The following SLIT3 variants were observed in gnomAD, a reference collection of about 807,000 sequenced individuals.
SLIT3 encodes slit guidance ligand 3, also known as slit homolog 3 protein.
A neutral mutation model predicts 184.0 loss-of-function variants in SLIT3; 68 were observed. That is an observed-to-expected ratio of 0.37 (90% CI 0.30 to 0.45). The LOEUF (loss-of-function observed/expected upper bound fraction) is 0.45. Among genes scored for constraint, SLIT3 ranks in the 20% least tolerant of loss-of-function variants. SLIT3 has a pLI of 1.00. For synonymous variants in SLIT3, 831 were observed against 828.6 expected (o/e 1.00, Z -0.05); for missense variants, 1,707 against 2,026.0 (o/e 0.84, Z 3.02).
chr5:169,285,530 G>A (rs1442159264), intron 1 of SLIT3, among the ~76,000 whole-genome samples: 1 of 152,150 alleles, frequency 6.6e-6, no homozygotes, highest in African/African-American at 2.4e-5. Context: ...TTGCATGTGG[G>A]CAAGCTTGTA....
chr5:169,070,513 G>A lies in SLIT3; in HGVS notation c.413+122966C>T, dbSNP rs1758505909. Among the ~76,000 whole-genome samples, 4 of 152,140 alleles carry A rather than the reference G, an allele frequency of 2.6e-5. No homozygotes were observed. In the South Asian group the frequency reaches 8.3e-4, roughly 32 times the overall value. On this transcript the variant is annotated intron_variant, in intron 4 of 35. Transcript: ENST00000519560. ...CCAGGGAAAAGCAAAAGGCAAACTT[G>A]AACTAATTACTCTGCCAGTCGAGAT...
intron 4 of SLIT3, among the ~76,000 whole-genome samples, chr5:169,166,887 C>T (rs1310406286): frequency 6.6e-6 from 1 of 152,272 alleles, no homozygotes; most frequent in East Asian, 1.9e-4. Flanking sequence ...AATGACTGGC[C>T]ATGCACGGCG....
chr5:169,135,848 G>T (rs548575007), intron 4 of SLIT3, among the ~76,000 whole-genome samples: 25 of 152,276 alleles, frequency 1.6e-4, no homozygotes, highest in Non-Finnish European at 3.1e-4. Flanking sequence ...TTTCTAAGTA[G>T]GATAGAATCA....
intron 3 of SLIT3, among the ~76,000 whole-genome samples, chr5:169,233,404 CT>C (rs70979127): frequency 0.22 from 31,473 of 145,016 alleles, 3,924 homozygotes; most frequent in East Asian, 0.44. Flanking sequence ...TAGAAATTGT[CT>C]TTTTTTTTTT....
At chr5:168,746,532 GGT>G (rs1269008380) in intron 20 of SLIT3, among the ~76,000 whole-genome samples, 5 of 125,384 alleles carry the variant, frequency 4.0e-5, no homozygotes, top group African/African-American at 1.2e-4. Flanking sequence ...TGGGTGTGGC[GGT>G]GTGTGGTGGT....
At chr5:168,888,259 G>C (rs1415779049) in intron 4 of SLIT3, among the ~76,000 whole-genome samples, 2 of 152,222 alleles carry the variant, frequency 1.3e-5, no homozygotes, top group African/African-American at 2.4e-5. Flanking sequence ...GGCTTCTGCA[G>C]CCCTGCATCA....
chr5:169,235,343 AT>A (rs1765158980), intron 3 of SLIT3, among the ~76,000 whole-genome samples: 1 of 152,164 alleles, frequency 6.6e-6, no homozygotes, highest in Admixed American at 6.5e-5. Context: ...AAAAACATTT[AT>A]TTTGCTCGTA....
intron 3 of SLIT3, among the ~76,000 whole-genome samples, chr5:169,208,867 G>C (rs1764161241): frequency 6.6e-6 from 1 of 152,142 alleles, no homozygotes; most frequent in Admixed American, 6.6e-5. Flanking sequence ...AGAAAACCTA[G>C]GCAATACAAT....
intron 4 of SLIT3, among the ~76,000 whole-genome samples, chr5:168,927,223 G>A (rs1213501954): frequency 6.6e-6 from 1 of 152,140 alleles, no homozygotes; most frequent in Non-Finnish European, 1.5e-5. Flanking sequence ...GCTAAAACAT[G>A]GGTAGAACCT....
chr5:169,246,476 A>G (rs958156230), intron 2 of SLIT3, among the ~76,000 whole-genome samples: 1 of 152,232 alleles, frequency 6.6e-6, no homozygotes, highest in Non-Finnish European at 1.5e-5. Flanking sequence ...AGCTGATGAT[A>G]TAAGAGTGGG....
intron 6 of SLIT3, among the ~76,000 whole-genome samples, chr5:168,826,479 T>C (rs1757709524): frequency 6.6e-6 from 1 of 152,250 alleles, no homozygotes; most frequent in South Asian, 2.1e-4. Context: ...TGGCATTCAA[T>C]GAAGGAATTG....
intron 4 of SLIT3, 81 bp downstream of exon 4, chr5:169,193,398 C>T (rs534383407): frequency 4.6e-5 from 55 of 1,193,074 alleles, no homozygotes; most frequent in African/African-American, 2.7e-4. Context: ...CCACACGGCA[C>T]GGCGCTCCAC....
At chr5:169,093,158 C>T (rs1349907228) in intron 4 of SLIT3, among the ~76,000 whole-genome samples, 2 of 152,190 alleles carry the variant, frequency 1.3e-5, no homozygotes, top group Non-Finnish European at 2.9e-5. Flanking sequence ...GACCCAGGTA[C>T]AGCCAGATCT....
Position 169,001,492 on chromosome 5 carries a change from CCTT to C in SLIT3, c.414-118159_414-118157del, listed in dbSNP as rs367614386. Among the ~76,000 whole-genome samples, 262 of 152,094 alleles carry C rather than the reference CCTT, an allele frequency of 1.7e-3. 1 individual carries two copies. Among genetic ancestry groups the C allele is most frequent in the African/African-American group, 6.0e-3 (250 of 41,500 alleles). ...GGCGGGTCACGTCTTTTTTTTCCCT[CCTT>C]AAGTGTTACAATGGAACATTTTGAC... On this transcript the variant is annotated intron_variant, in intron 4 of 35. Coordinates refer to ENST00000519560, the MANE Select transcript of SLIT3 (RefSeq NM_003062.4).
At chr5:168,948,315 G>T (rs868274827) in intron 4 of SLIT3, among the ~76,000 whole-genome samples, 60 of 152,292 alleles carry the variant, frequency 3.9e-4, no homozygotes, top group Middle Eastern at 6.8e-3. Context: ...AACGGGGGCT[G>T]TGGATTTTTG....
At chr5:168,943,906 G>C (rs533314021) in intron 4 of SLIT3, among the ~76,000 whole-genome samples, 1 of 152,166 alleles carries the variant, frequency 6.6e-6, no homozygotes, top group Non-Finnish European at 1.5e-5. Context: ...GCTGACAGTT[G>C]CTTTAAGTCA....
chr5:169,013,541 G>C (rs1756242298), intron 4 of SLIT3, among the ~76,000 whole-genome samples: 2 of 152,172 alleles, frequency 1.3e-5, no homozygotes, highest in Non-Finnish European at 2.9e-5. Context: ...GTTTTTCAAA[G>C]GGCTACCTGG....
intron 25 of SLIT3, chr5:168,708,741 G>C (rs1006601071): frequency 6.5e-6 from 1 of 153,816 alleles, no homozygotes; most frequent in Non-Finnish European, 1.4e-5. Flanking sequence ...CTTTGCAAAG[G>C]GGGCTGTGTC....
chr5:169,059,802 T>A (rs1017457613), intron 4 of SLIT3, among the ~76,000 whole-genome samples: 3 of 152,234 alleles, frequency 2.0e-5, no homozygotes, highest in African/African-American at 7.2e-5. Flanking sequence ...AGACTCCATT[T>A]GGCTGGGGCT....
Sources: allele counts gnomAD v4.1 joint callset (sites outside exome capture counted in the v4.1 genomes callset), GRCh38; gene constraint gnomAD v4.1.1; transcripts MANE v1.5; gene names NCBI Gene and HGNC (gene_info 2026-07-23, HGNC 2026-07-21).